NOL10: variants seen among roughly 807,000 people sequenced by gnomAD.
The protein encoded by NOL10 is nucleolar protein 10, also known as H_NH0074G24.1.
Under a neutral mutation model 103.5 loss-of-function variants are expected in NOL10, and 58 were observed. That is an observed-to-expected ratio of 0.56 (90% CI 0.45 to 0.70). The LOEUF (loss-of-function observed/expected upper bound fraction) is 0.70, where lower values mean the gene tolerates loss of function less well. Ranked by LOEUF, NOL10 falls within the 30% of genes least tolerant of loss-of-function variation. The pLI is 0.00. For synonymous variants in NOL10, 287 were observed against 282.5 expected, an observed-to-expected ratio of 1.02 and a Z score of -0.16; for missense variants, 763 against 807.3, an observed-to-expected ratio of 0.95 and a Z score of 0.67.
chr2:10,663,119 C>T (rs1680315404), intron 8 of NOL10, 75 bp from the exon 9 acceptor site: 2 of 1,252,208 alleles, frequency 1.6e-6, no homozygotes, highest in Non-Finnish European at 2.3e-6. Context: ...GTAATCCCAG[C>T]ACTTTGGGAG....
intron 6 of NOL10, 95 bp downstream of exon 6, chr2:10,671,459 A>G: frequency 9.6e-7 from 1 of 1,043,618 alleles, no homozygotes; most frequent in Non-Finnish European, 1.3e-6. Flanking sequence ...TTATTAAAGC[A>G]AGTTACCTAA....
chr2:10,611,742 C>G (rs763664556), intron 13 of NOL10, among the ~76,000 whole-genome samples: 4 of 152,152 alleles, frequency 2.6e-5, no homozygotes, highest in Non-Finnish European at 5.9e-5. Context: ...ACAGTGGAAC[C>G]CCATCTCTAC....
intron 12 of NOL10, among the ~76,000 whole-genome samples, chr2:10,648,861 G>A (rs1679266104): frequency 6.6e-6 from 1 of 152,088 alleles, no homozygotes; most frequent in Non-Finnish European, 1.5e-5. Context: ...AAAAGAAAAA[G>A]ATGTGGGGGA....
intron 13 of NOL10, among the ~76,000 whole-genome samples, chr2:10,618,732 C>G (rs1361537131): frequency 6.6e-6 from 1 of 152,164 alleles, no homozygotes; most frequent in African/African-American, 2.4e-5. Flanking sequence ...CCACCTACTA[C>G]CCCAATAAAC....
At position 10,675,143 on chromosome 2, in the gene NOL10, C is replaced by T. The variant is rs533695152; in HGVS notation, c.289+651G>A. Among the ~76,000 whole-genome samples the T allele has an allele frequency of 2.0e-5, 3 of 152,088 alleles. No homozygotes were observed. In the East Asian group the frequency reaches 5.8e-4, roughly 29 times the overall value. ...ACTTGAGCCCAGGAGTTCAAGGCTACAGTAAACTATGATCATGCCACAGCA... is the reference window on the plus strand; with the variant it reads ...ACTTGAGCCCAGGAGTTCAAGGCTATAGTAAACTATGATCATGCCACAGCA... On this transcript the variant is annotated intron_variant, in intron 4 of 20. Transcript: ENST00000381685.
chr2:10,680,914 T>C (rs577003187), intron 3 of NOL10, among the ~76,000 whole-genome samples: 14 of 152,334 alleles, frequency 9.2e-5, no homozygotes, highest in Non-Finnish European at 1.6e-4. Context: ...ATAAATACTG[T>C]TAATGTAAAA....
intron 13 of NOL10, among the ~76,000 whole-genome samples, chr2:10,619,023 T>A (rs6732671): frequency 1.3e-5 from 2 of 151,400 alleles, no homozygotes; most frequent in South Asian, 2.1e-4. Context: ...GTTTATAAAC[T>A]TTGAACTTAA....
intron 11 of NOL10, among the ~76,000 whole-genome samples, chr2:10,655,872 A>T (rs552841747): frequency 3.4e-4 from 52 of 152,344 alleles, no homozygotes; most frequent in Non-Finnish European, 4.7e-4. Context: ...CCGATGAAGA[A>T]CACGGCCAAG....
At chr2:10,609,798 G>A (rs917125326) in intron 13 of NOL10, among the ~76,000 whole-genome samples, 2 of 152,066 alleles carry the variant, frequency 1.3e-5, no homozygotes, top group Admixed American at 6.5e-5. Flanking sequence ...TTTTCTAGAC[G>A]AGATCAAAGT....
chr2:10,600,805 AC>A (rs776025205), intron 17 of NOL10, 47 bp downstream of exon 17: 44 of 1,172,938 alleles, frequency 3.8e-5, no homozygotes, highest in Non-Finnish European at 4.6e-5. Flanking sequence ...GATGTAAGTT[AC>A]TATCAACAAA....
Position 10,668,650 on chromosome 2 carries a change from C to CAA in NOL10, c.530+7_530+8insTT, listed in dbSNP as rs55925118. 1,464,486 of 1,467,050 alleles carry CAA rather than the reference C, an allele frequency of 1. 731,009 individuals carry two copies. The highest frequency in any genetic ancestry group is 1 in the East Asian group (42,906 of 42,906). 90.9% of individuals were successfully genotyped at this position (1,467,050 alleles called of 1,614,324 possible). A position where few individuals can be genotyped will look rare whatever the true frequency, so the allele number is the denominator to read the frequency against. On this transcript the variant is annotated splice_region_variant and intron_variant, in intron 7 of 20. Transcript: ENST00000381685. ...AATGTATATAGCAGAATTACTAAAA[C>CAA]TACTCACGCAGCATCAGTTTGTAGA...
intron 13 of NOL10, 30 bp from the exon 14 acceptor site, chr2:10,607,341 G>C: frequency 6.3e-7 from 1 of 1,577,690 alleles, no homozygotes; most frequent in Non-Finnish European, 8.6e-7. Context: ...GGTCAGCAAA[G>C]GCACAGTTTA....
chr2:10,687,544 C>T (rs538035716), intron 1 of NOL10, among the ~76,000 whole-genome samples: 41 of 152,328 alleles, frequency 2.7e-4, no homozygotes, highest in African/African-American at 9.9e-4. Flanking sequence ...TTTGATCTCA[C>T]CTAGTCCCAA....
intron 14 of NOL10, chr2:10,604,786 A>G (rs1381322638): frequency 6.6e-6 from 1 of 152,240 alleles, no homozygotes; most frequent in Non-Finnish European, 1.5e-5. Flanking sequence ...CATTTCCTAC[A>G]GTTAACTCCA....
At chr2:10,661,308 C>T (rs993424153) in intron 9 of NOL10, among the ~76,000 whole-genome samples, 1 of 152,008 alleles carries the variant, frequency 6.6e-6, no homozygotes, top group African/African-American at 2.4e-5. Context: ...CTCCCGACCT[C>T]AGGTAATCCA....
At position 10,607,218 on chromosome 2, in the gene NOL10, T is replaced by C. The variant is rs1347750656; in HGVS notation, c.1120A>G (p.Lys374Glu). 1 of 1,594,022 alleles carries C rather than the reference T, an allele frequency of 6.3e-7. No individual in the cohort carries two copies. Among genetic ancestry groups the C allele is most frequent in the Admixed American group, 1.7e-5 (1 of 57,494 alleles). The part of the protein sequence containing the change: ...NPESTVYDDY[K>E]FVTKKDLENL... ...TCAAGGTCTTTCTTGGTGACAAATT[T>C]ATAATCATCATAGACTGTGCTTTCT... Residue 374 changes from lysine to glutamate, a missense_variant, in exon 14 of 21, where the codon AAA (lysine) becomes GAA (glutamate). By Grantham distance (56) the Lys-to-Glu change is moderately conservative. Transcript: ENST00000381685.
At chr2:10,593,443 A>T (rs115093817) in intron 17 of NOL10, among the ~76,000 whole-genome samples, 4 of 152,032 alleles carry the variant, frequency 2.6e-5, no homozygotes, top group Non-Finnish European at 4.4e-5. Context: ...CGGCCAATCA[A>T]ATTAGTTCTT....
chr2:10,623,213 G>GCAAAAGC (rs113822101), intron 13 of NOL10, among the ~76,000 whole-genome samples: 1 of 151,636 alleles, frequency 6.6e-6, no homozygotes, highest in East Asian at 1.9e-4. Flanking sequence ...TAAAGCAAAA[G>GCAAAAGC]TAAAATTTTA....
intron 14 of NOL10, 75 bp downstream of exon 14, chr2:10,607,110 T>C: frequency 9.9e-7 from 1 of 1,013,556 alleles, no homozygotes; most frequent in Non-Finnish European, 1.4e-6. Flanking sequence ...GCTCAGCCAA[T>C]TCTCATGTTC....
Sources: allele counts gnomAD v4.1 joint callset (sites outside exome capture counted in the v4.1 genomes callset), GRCh38; gene constraint gnomAD v4.1.1; transcripts MANE v1.5; gene names NCBI Gene and HGNC (gene_info 2026-07-23, HGNC 2026-07-21).